The following MYZAP variants were observed in gnomAD, a reference collection of about 807,000 sequenced individuals.
MYZAP encodes GRINL1A complex locus upstream.
MYZAP carries 66 observed loss-of-function variants against 69.4 expected under a neutral mutation model. The observed-to-expected ratio is 0.95, with a 90% confidence interval of 0.78 to 1.17. The LOEUF (loss-of-function observed/expected upper bound fraction) is 1.17, where lower values mean the gene tolerates loss of function less well. MYZAP is among the 50% of genes most tolerant of loss of function. The pLI, the probability that MYZAP is intolerant of heterozygous loss-of-function variation, is 0.00. For missense variants in MYZAP, 611 were observed against 556.2 expected, an observed-to-expected ratio of 1.10 and a Z score of -0.99; for synonymous variants, 256 against 205.9, an observed-to-expected ratio of 1.24 and a Z score of -2.09.
intron 12 of MYZAP, among the ~76,000 whole-genome samples, chr15:57,676,412 ATATATATGTGTATATATATATATG>A (rs1334401517): frequency 0.16 from 3,309 of 21,248 alleles, 71 homozygotes; most frequent in East Asian, 0.32. Flanking sequence ...ATATATATGT[ATATATATGTGTATATATATATATG>A]TATATATATA....
chr15:57,621,199 C>CTTT (rs2035785298), intron 3 of MYZAP, among the ~76,000 whole-genome samples: 1 of 117,838 alleles, frequency 8.5e-6, no homozygotes, highest in African/African-American at 3.2e-5. Context: ...GTCCTTCTTT[C>CTTT]TTTTTCTTTT....
chr15:57,643,554 C>T (rs1478186228), intron 10 of MYZAP, among the ~76,000 whole-genome samples: 1 of 152,158 alleles, frequency 6.6e-6, no homozygotes, highest in Non-Finnish European at 1.5e-5. Context: ...GTCATTCACA[C>T]CCTCTTTACC....
At chr15:57,646,685 G>C in intron 10 of MYZAP, 2 of 988,990 alleles carry the variant, frequency 2.0e-6, no homozygotes, top group South Asian at 4.7e-5. Flanking sequence ...CATGTGGTTT[G>C]GTTCTATTTG....
At chr15:57,639,187 A>G (rs1407741289) in intron 9 of MYZAP, among the ~76,000 whole-genome samples, 1 of 151,562 alleles carries the variant, frequency 6.6e-6, no homozygotes, top group Non-Finnish European at 1.5e-5. Context: ...TCCCCAAAAG[A>G]TACATGTTTT....
chr15:57,617,820 G>A (rs1288573687), intron 2 of MYZAP, among the ~76,000 whole-genome samples: 1 of 152,106 alleles, frequency 6.6e-6, no homozygotes, highest in African/African-American at 2.4e-5. Flanking sequence ...TTAGCAAACG[G>A]TGCTCTTCCT....
chr15:57,644,979 G>A (rs544427875), intron 10 of MYZAP, among the ~76,000 whole-genome samples: 2 of 152,328 alleles, frequency 1.3e-5, no homozygotes, highest in South Asian at 4.1e-4. Flanking sequence ...TGATTCTCAT[G>A]GATCCTCTTC....
intron 1 of MYZAP, among the ~76,000 whole-genome samples, chr15:57,601,274 TTGTGTGTGTG>T (rs10679285): frequency 4.0e-5 from 6 of 148,246 alleles, no homozygotes; most frequent in Admixed American, 2.0e-4. Flanking sequence ...GTGTGCACAC[TTGTGTGTGTG>T]TGTGTGTGTG....
At chr15:57,639,574 G>C in intron 10 of MYZAP, 29 bp downstream of exon 10, 1 of 1,605,310 alleles carries the variant, frequency 6.2e-7, no homozygotes. Context: ...TCACAGGCCT[G>C]GGATTGCTTC....
At chr15:57,654,844 G>T (rs1458161388) in intron 10 of MYZAP, among the ~76,000 whole-genome samples, 1 of 151,232 alleles carries the variant, frequency 6.6e-6, no homozygotes, top group Non-Finnish European at 1.5e-5. Flanking sequence ...TGGTCTGGTT[G>T]ACGTATAAGC....
At position 57,610,816 on chromosome 15, in the gene MYZAP, A is replaced by G. The variant is rs545037238; in HGVS notation, c.162+6461A>G. Among the ~76,000 whole-genome samples, 3 of 152,268 alleles carry G rather than the reference A, an allele frequency of 2.0e-5. No homozygotes were observed. The East Asian group carries it at 5.8e-4, about 29-fold the overall frequency. ...CAGACACGGAGGAGGAGCTGGGAAT[A>G]GTGTCTGAAAACCCACTGGACTATA... On this transcript the variant is annotated intron_variant, in intron 2 of 12. Coordinates refer to ENST00000267853, the MANE Select transcript of MYZAP (RefSeq NM_001018100.5).
At chr15:57,603,195 A>G (rs2034526178) in intron 1 of MYZAP, among the ~76,000 whole-genome samples, 1 of 152,216 alleles carries the variant, frequency 6.6e-6, no homozygotes, top group African/African-American at 2.4e-5. Flanking sequence ...TCATGGTGAC[A>G]TAGCTAATTA....
chr15:57,630,331 A>G (rs1201061990), intron 6 of MYZAP, among the ~76,000 whole-genome samples: 1 of 152,170 alleles, frequency 6.6e-6, no homozygotes. Flanking sequence ...CAGTCCCTTC[A>G]AGGGCTCTTT....
chr15:57,643,088 A>T (rs1484622442), intron 10 of MYZAP, among the ~76,000 whole-genome samples: 3 of 152,182 alleles, frequency 2.0e-5, no homozygotes, highest in Non-Finnish European at 4.4e-5. Context: ...CTTCCAGCTG[A>T]TTCTGGCTTT....
intron 10 of MYZAP, among the ~76,000 whole-genome samples, chr15:57,654,364 A>G (rs57049387): frequency 3.3e-5 from 5 of 152,080 alleles, no homozygotes; most frequent in Non-Finnish European, 7.4e-5. Context: ...AAGAGGGGGC[A>G]GGAGGGGGAG....
At chr15:57,592,744 T>C (rs2033761934) in intron 1 of MYZAP, among the ~76,000 whole-genome samples, 1 of 152,208 alleles carries the variant, frequency 6.6e-6, no homozygotes, top group Non-Finnish European at 1.5e-5. Flanking sequence ...GGAAGTGCTG[T>C]TTCTTTTTGA....
intron 11 of MYZAP, among the ~76,000 whole-genome samples, chr15:57,673,450 G>T (rs192201308): frequency 6.9e-6 from 1 of 144,988 alleles, no homozygotes; most frequent in African/African-American, 2.6e-5. Flanking sequence ...GCACGTGTGC[G>T]CATGCGTGCA....
chr15:57,599,252 A>C (rs1333053788), intron 1 of MYZAP, among the ~76,000 whole-genome samples: 2 of 151,972 alleles, frequency 1.3e-5, no homozygotes, highest in African/African-American at 4.8e-5. Context: ...TTTAACCACA[A>C]AGCTATCCTG....
chr15:57,616,028 G>A (rs552686737), intron 2 of MYZAP, among the ~76,000 whole-genome samples: 5 of 152,144 alleles, frequency 3.3e-5, no homozygotes, highest in Admixed American at 6.5e-5. Flanking sequence ...GATCTCTAGC[G>A]CCCCTACCCC....
chr15:57,657,897 T>A (rs1426313643), intron 10 of MYZAP, among the ~76,000 whole-genome samples: 1 of 152,186 alleles, frequency 6.6e-6, no homozygotes, highest in African/African-American at 2.4e-5. Flanking sequence ...CCCCTCCCAG[T>A]CCTGCCAACG....
Sources: allele counts gnomAD v4.1 joint callset (sites outside exome capture counted in the v4.1 genomes callset), GRCh38; gene constraint gnomAD v4.1.1; transcripts MANE v1.5; gene names NCBI Gene and HGNC (gene_info 2026-07-23, HGNC 2026-07-21).